The following PAK5 variants were observed in gnomAD, a reference collection of about 807,000 sequenced individuals.
PAK5 encodes serine/threonine-protein kinase PAK 5.
Under a neutral mutation model 65.9 loss-of-function variants are expected in PAK5, and 16 were observed. The observed-to-expected ratio is 0.24, with a 90% CI of 0.16 to 0.37. The LOEUF is 0.37. PAK5 is among the 10% of genes least tolerant of loss of function. The probability of loss-of-function intolerance (pLI) is 1.00; values close to 1 mark genes in which losing one functional copy is unlikely to be tolerated. For synonymous variants in PAK5, 371 were observed against 354.9 expected (o/e 1.05, Z -0.51); for missense variants, 785 against 903.9 (o/e 0.87, Z 1.69).
At chr20:9,799,265 T>C (rs887237521) in intron 1 of PAK5, among the ~76,000 whole-genome samples, 1 of 152,176 alleles carries the variant, frequency 6.6e-6, no homozygotes, top group Non-Finnish European at 1.5e-5. Flanking sequence ...CTGTAATGTA[T>C]GCTTACCCAA....
At chr20:9,590,920 A>G (rs2046159348) in intron 3 of PAK5, among the ~76,000 whole-genome samples, 1 of 152,212 alleles carries the variant, frequency 6.6e-6, no homozygotes, top group African/African-American at 2.4e-5. Context: ...ACCTTAGGCA[A>G]CAGTAGGTGT....
At chr20:9,628,866 G>A (rs1337130414) in intron 3 of PAK5, among the ~76,000 whole-genome samples, 1 of 152,136 alleles carries the variant, frequency 6.6e-6, no homozygotes, top group Admixed American at 6.5e-5. Context: ...TAACTCCTGG[G>A]AGCAACGCAC....
intron 1 of PAK5, among the ~76,000 whole-genome samples, chr20:9,808,699 T>C (rs1338311148): frequency 6.6e-6 from 1 of 152,094 alleles, no homozygotes; most frequent in Non-Finnish European, 1.5e-5. Context: ...GAAAGTAAAC[T>C]GGTAGGAGTA....
intron 3 of PAK5, among the ~76,000 whole-genome samples, chr20:9,640,181 T>C (rs2047034267): frequency 6.6e-6 from 1 of 150,834 alleles, no homozygotes; most frequent in Non-Finnish European, 1.5e-5. Context: ...GCATTAGGTG[T>C]ATCTCCTAAT....
chr20:9,622,187 A>T (rs1445658027), intron 3 of PAK5, among the ~76,000 whole-genome samples: 1 of 127,814 alleles, frequency 7.8e-6, no homozygotes, highest in Non-Finnish European at 1.6e-5. Flanking sequence ...AAACATGATC[A>T]TATATTACAG....
chr20:9,822,608 T>C (rs1204396998), intron 1 of PAK5, among the ~76,000 whole-genome samples: 1 of 152,242 alleles, frequency 6.6e-6, no homozygotes, highest in East Asian at 1.9e-4. Context: ...CACAATTGAC[T>C]AGCAGAAGAT....
intron 3 of PAK5, among the ~76,000 whole-genome samples, chr20:9,639,521 T>C (rs2047024007): frequency 6.6e-6 from 1 of 152,204 alleles, no homozygotes. Flanking sequence ...CTTGTCTGTT[T>C]TTATTTTATT....
intron 1 of PAK5, among the ~76,000 whole-genome samples, chr20:9,729,480 C>T (rs1272997425): frequency 2.0e-5 from 3 of 152,042 alleles, no homozygotes; most frequent in Admixed American, 6.6e-5. Context: ...TATATAGGCA[C>T]GAGGTATTAT....
At chr20:9,566,955 A>T (rs972365363) in intron 4 of PAK5, among the ~76,000 whole-genome samples, 5 of 152,162 alleles carry the variant, frequency 3.3e-5, no homozygotes, top group Non-Finnish European at 7.3e-5. Context: ...CCCGAAAGAG[A>T]TCCCAGCAAA....
intron 3 of PAK5, among the ~76,000 whole-genome samples, chr20:9,617,155 C>T (rs966208745): frequency 6.6e-6 from 1 of 152,182 alleles, no homozygotes; most frequent in African/African-American, 2.4e-5. Flanking sequence ...AATGCAAATT[C>T]GATTGCATTT....
At chr20:9,708,909 G>T (rs1293946709) in intron 2 of PAK5, among the ~76,000 whole-genome samples, 3 of 140,732 alleles carry the variant, frequency 2.1e-5, no homozygotes, top group African/African-American at 8.0e-5. Flanking sequence ...AAACAATAAG[G>T]CACCTTTTCT....
At chr20:9,792,095 A>G (rs756647717) in intron 1 of PAK5, among the ~76,000 whole-genome samples, 8 of 152,174 alleles carry the variant, frequency 5.3e-5, no homozygotes, top group Non-Finnish European at 1.0e-4. Flanking sequence ...CTCAATGACT[A>G]TTTTGATCCC....
intron 4 of PAK5, among the ~76,000 whole-genome samples, chr20:9,571,585 T>C (rs1286278093): frequency 1.3e-5 from 2 of 152,198 alleles, no homozygotes; most frequent in East Asian, 1.9e-4. Context: ...TTTCCAACAT[T>C]CATTGATTTA....
chr20:9,609,415 CA>C lies in PAK5; in HGVS notation c.205-28486del, dbSNP rs567638722. 4.6e-5 allele frequency among the ~76,000 whole-genome samples: 7 copies of C among 152,278 alleles called. No individual in the cohort carries two copies. The East Asian group carries it at 1.2e-3, about 25-fold the overall frequency. Reference sequence around the variant, plus strand: ...AACCTCGCATAGGTGCCCACATATCCAGGTCGAGGGCAAAACATAAGTGTGA... The same window carrying C: ...AACCTCGCATAGGTGCCCACATATCCGGTCGAGGGCAAAACATAAGTGTGA... On this transcript the variant is annotated intron_variant, in intron 3 of 9. Coordinates refer to ENST00000353224, the MANE Select transcript of PAK5 (RefSeq NM_177990.4).
intron 1 of PAK5, among the ~76,000 whole-genome samples, chr20:9,735,674 T>C (rs575144369): frequency 6.6e-6 from 1 of 151,986 alleles, no homozygotes; most frequent in African/African-American, 2.4e-5. Context: ...ACAGCTTCCA[T>C]GTAACTTAAC....
At chr20:9,728,189 C>T (rs1352662302) in intron 1 of PAK5, among the ~76,000 whole-genome samples, 1 of 152,040 alleles carries the variant, frequency 6.6e-6, no homozygotes, top group East Asian at 1.9e-4. Context: ...ATTCCTTCCA[C>T]CACATGAAGA....
chr20:9,568,906 G>A (rs1351304147), intron 4 of PAK5, among the ~76,000 whole-genome samples: 4 of 152,176 alleles, frequency 2.6e-5, no homozygotes, highest in Admixed American at 2.6e-4. Context: ...CCTGCTAAGA[G>A]CTAGCTAGAA....
At chr20:9,700,578 C>T (rs2047926939) in intron 2 of PAK5, among the ~76,000 whole-genome samples, 1 of 152,074 alleles carries the variant, frequency 6.6e-6, no homozygotes, top group Admixed American at 6.6e-5. Context: ...GGGGCTATTG[C>T]TGGATCATAG....
At chr20:9,641,579 CG>C (rs2047062265) in intron 3 of PAK5, among the ~76,000 whole-genome samples, 1 of 152,030 alleles carries the variant, frequency 6.6e-6, no homozygotes, top group Middle Eastern at 3.4e-3. Flanking sequence ...CAGTCCTGTG[CG>C]GTGCGCTCAC....
Sources: allele counts gnomAD v4.1 joint callset (sites outside exome capture counted in the v4.1 genomes callset), GRCh38; gene constraint gnomAD v4.1.1; transcripts MANE v1.5; gene names NCBI Gene and HGNC (gene_info 2026-07-23, HGNC 2026-07-21).